Variants in LIN28B observed in about 807,000 individuals in gnomAD.
LIN28B encodes protein lin-28 homolog B.
Under a neutral mutation model 21.9 loss-of-function variants are expected in LIN28B, and 5 were observed. The observed-to-expected ratio is 0.23, with a 90% CI of 0.12 to 0.48. The LOEUF is 0.48. LIN28B is among the 20% of genes least tolerant of loss of function. LIN28B has a pLI of 0.98. For missense variants in LIN28B, 245 were observed against 310.5 expected, an observed-to-expected ratio of 0.79 and a Z score of 1.58; for synonymous variants, 109 against 111.3, an observed-to-expected ratio of 0.98 and a Z score of 0.13.
chr6:105,052,496 T>G (rs1439168622), intron 3 of LIN28B, among the ~76,000 whole-genome samples: 1 of 152,164 alleles, frequency 6.6e-6, no homozygotes, highest in African/African-American at 2.4e-5. Flanking sequence ...ATTCCTGTAA[T>G]AATGAGCCCA....
At chr6:105,066,680 A>G (rs1216446154) in intron 3 of LIN28B, among the ~76,000 whole-genome samples, 2 of 152,092 alleles carry the variant, frequency 1.3e-5, no homozygotes, top group Non-Finnish European at 2.9e-5. Flanking sequence ...ATTCTTTTAT[A>G]TATTGTTTGG....
At chr6:105,069,256 C>A (rs908079304) in intron 3 of LIN28B, among the ~76,000 whole-genome samples, 2 of 151,916 alleles carry the variant, frequency 1.3e-5, no homozygotes, top group African/African-American at 4.8e-5. Flanking sequence ...CAGAATTTGG[C>A]CATGGAGAGA....
intron 2 of LIN28B, among the ~76,000 whole-genome samples, chr6:105,001,176 G>T (rs1329954326): frequency 1.3e-5 from 2 of 152,118 alleles, no homozygotes; most frequent in South Asian, 4.1e-4. Context: ...TTGAAGTTTT[G>T]TCTGTGGTAG....
chr6:104,980,013 A>G (rs140354720), intron 2 of LIN28B, among the ~76,000 whole-genome samples: 1 of 152,204 alleles, frequency 6.6e-6, no homozygotes, highest in Non-Finnish European at 1.5e-5. Flanking sequence ...CATGAGAAAC[A>G]TAGAAAGGAT....
At chr6:105,020,038 G>A (rs1055781089) in intron 2 of LIN28B, among the ~76,000 whole-genome samples, 2 of 151,632 alleles carry the variant, frequency 1.3e-5, no homozygotes, top group Admixed American at 6.6e-5. Flanking sequence ...TGGAGCCCTG[G>A]GTAAAAATAA....
intron 2 of LIN28B, among the ~76,000 whole-genome samples, chr6:104,945,762 G>A (rs957818910): frequency 1.3e-5 from 2 of 152,076 alleles, no homozygotes; most frequent in Non-Finnish European, 1.5e-5. Flanking sequence ...CTGTGCTGTG[G>A]CTCAACTGTG....
At chr6:104,967,706 G>A (rs1223595553) in intron 2 of LIN28B, among the ~76,000 whole-genome samples, 3 of 150,040 alleles carry the variant, frequency 2.0e-5, no homozygotes, top group Non-Finnish European at 1.5e-5. Flanking sequence ...TAGAAACAGG[G>A]TCTTCCTCAG....
intron 3 of LIN28B, among the ~76,000 whole-genome samples, chr6:105,032,626 A>G (rs1340733602): frequency 6.6e-6 from 1 of 151,836 alleles, no homozygotes; most frequent in East Asian, 1.9e-4. Context: ...TTGTACTGAG[A>G]TGGGAGGATC....
chr6:105,030,510 T>C (rs371005069), intron 3 of LIN28B, among the ~76,000 whole-genome samples: 1 of 152,116 alleles, frequency 6.6e-6, no homozygotes, highest in Admixed American at 6.5e-5. Context: ...TCTCTAGTTA[T>C]TTCCTATTGC....
intron 3 of LIN28B, among the ~76,000 whole-genome samples, chr6:105,061,462 A>G (rs1337984689): frequency 6.6e-6 from 1 of 152,102 alleles, no homozygotes; most frequent in Non-Finnish European, 1.5e-5. Context: ...ATTCTTGTAA[A>G]GAGAAAAATA....
chr6:105,035,628 G>C (rs1159153618), intron 3 of LIN28B, among the ~76,000 whole-genome samples: 3 of 152,142 alleles, frequency 2.0e-5, no homozygotes, highest in Non-Finnish European at 4.4e-5. Context: ...TAATTTTATT[G>C]TGTTTGTTGG....
chr6:104,938,620 C>T (rs1183983978), intron 2 of LIN28B, among the ~76,000 whole-genome samples: 2 of 141,966 alleles, frequency 1.4e-5, no homozygotes, highest in African/African-American at 5.3e-5. Context: ...GCCTGGGGGA[C>T]ATAGTGAGAC....
intron 2 of LIN28B, among the ~76,000 whole-genome samples, chr6:104,988,734 G>A (rs1367142202): frequency 6.6e-6 from 1 of 152,076 alleles, no homozygotes; most frequent in East Asian, 1.9e-4. Flanking sequence ...CTGCCACCAT[G>A]TCCGGCTAAT....
At chr6:104,977,809 C>G (rs1309927447) in intron 2 of LIN28B, among the ~76,000 whole-genome samples, 1 of 152,034 alleles carries the variant, frequency 6.6e-6, no homozygotes, top group Non-Finnish European at 1.5e-5. Flanking sequence ...CTCATGATAC[C>G]CCCGCCTTGG....
chr6:105,000,640 ATAATT>A (rs1396625624), intron 2 of LIN28B, among the ~76,000 whole-genome samples: 2 of 151,930 alleles, frequency 1.3e-5, no homozygotes, highest in East Asian at 1.9e-4. Flanking sequence ...AATAGGTAAA[ATAATT>A]TAAATAATAA....
chr6:105,076,176 TTAA>T (rs2114423540), intron 3 of LIN28B, among the ~76,000 whole-genome samples: 1 of 152,316 alleles, frequency 6.6e-6, no homozygotes, highest in South Asian at 2.1e-4. Context: ...TAATACTTTA[TTAA>T]GATATGTAAT....
intron 2 of LIN28B, among the ~76,000 whole-genome samples, chr6:104,983,356 G>GA (rs1448143072): frequency 3.3e-5 from 5 of 151,794 alleles, no homozygotes; most frequent in African/African-American, 1.2e-4. Context: ...GTTCTGTGAG[G>GA]AAAAAAAGAA....
intron 1 of LIN28B, 140 bp downstream of exon 1, chr6:104,957,400 C>G (rs545497767): frequency 6.8e-6 from 4 of 589,888 alleles, no homozygotes; most frequent in Admixed American, 3.1e-5. Flanking sequence ...CCCCCCATCA[C>G]GCAGTGGGGC....
At chr6:105,017,128 G>A (rs951742466) in intron 2 of LIN28B, among the ~76,000 whole-genome samples, 1 of 150,862 alleles carries the variant, frequency 6.6e-6, no homozygotes, top group Non-Finnish European at 1.5e-5. Flanking sequence ...GTAGTATCAT[G>A]TGTTATAATG....
Sources: gnomAD v4.1 joint callset for allele counts (sites outside exome capture counted in the v4.1 genomes callset) on GRCh38, gnomAD v4.1.1 for gene constraint, MANE v1.5 for transcripts, NCBI Gene and HGNC (gene_info 2026-07-23, HGNC 2026-07-21) for gene names.